CACNG2: variants seen among roughly 807,000 people sequenced by gnomAD.
CACNG2 encodes the protein voltage-dependent calcium channel gamma-2 subunit.
A neutral mutation model predicts 25.9 loss-of-function variants in CACNG2; 3 were observed. The ratio of observed to expected loss-of-function variants is 0.12; its 90% CI spans 0.05 to 0.30. The LOEUF (loss-of-function observed/expected upper bound fraction) is 0.30, where lower values mean the gene tolerates loss of function less well. Among genes scored for constraint, CACNG2 ranks in the 10% least tolerant of loss-of-function variants. The pLI is 1.00. For synonymous variants in CACNG2, 167 were observed against 173.3 expected, an observed-to-expected ratio of 0.96 and a Z score of 0.29; for missense variants, 341 against 432.5, an observed-to-expected ratio of 0.79 and a Z score of 1.88.
chr22:36,654,382 C>A (rs78051341), intron 1 of CACNG2, among the ~76,000 whole-genome samples: 1 of 150,312 alleles, frequency 6.7e-6, no homozygotes, highest in Non-Finnish European at 1.5e-5. Context: ...TAGGCCACCA[C>A]GCCTGGCTAA....
At chr22:36,634,307 A>G (rs765390531) in intron 1 of CACNG2, among the ~76,000 whole-genome samples, 23 of 152,204 alleles carry the variant, frequency 1.5e-4, no homozygotes, top group South Asian at 2.1e-4. Context: ...AAGCCTACCC[A>G]TTACAGCCTC....
chr22:36,662,969 C>G (rs1005676587), intron 1 of CACNG2, among the ~76,000 whole-genome samples: 1 of 151,782 alleles, frequency 6.6e-6, no homozygotes, highest in African/African-American at 2.4e-5. Context: ...CTGCACCACA[C>G]AGGGAATCAA....
At position 36,587,453 on chromosome 22, in the gene CACNG2, G is replaced by A. The variant is rs199887111; in HGVS notation, c.295+12C>T. 167 of 1,592,290 alleles carry A rather than the reference G, an allele frequency of 1.0e-4. No individual in the cohort carries two copies. In the South Asian group the frequency reaches 1.2e-3, roughly 11 times the overall value. ...CACCAGGAGGGAGATAAAAACAATC[G>A]TGTGCACTCACGGAGGAAATATTCT... is the stretch of plus-strand genomic sequence containing the variant. On this transcript the variant is annotated intron_variant, in intron 2 of 3. Transcript: ENST00000300105.
chr22:36,673,118 C>A (rs1054919317), intron 1 of CACNG2, among the ~76,000 whole-genome samples: 1 of 152,172 alleles, frequency 6.6e-6, no homozygotes, highest in African/African-American at 2.4e-5. Context: ...CCCAGCTACT[C>A]AGGAGGCTGA....
chr22:36,631,076 G>A (rs762895395), intron 1 of CACNG2, among the ~76,000 whole-genome samples: 5 of 152,084 alleles, frequency 3.3e-5, no homozygotes, highest in Non-Finnish European at 5.9e-5. Context: ...TGATCCACCC[G>A]CCTCGGCCTC....
At chr22:36,571,437 A>G (rs1049028338) in intron 2 of CACNG2, among the ~76,000 whole-genome samples, 1 of 150,652 alleles carries the variant, frequency 6.6e-6, no homozygotes, top group African/African-American at 2.4e-5. Flanking sequence ...AGCCTGGGTG[A>G]CGGAGCGAGG....
chr22:36,613,129 C>T (rs1935970073), intron 1 of CACNG2, among the ~76,000 whole-genome samples: 1 of 150,330 alleles, frequency 6.7e-6, no homozygotes, highest in African/African-American at 2.5e-5. Flanking sequence ...CTCAATGTTT[C>T]CAAAAGTTCA....
intron 1 of CACNG2, among the ~76,000 whole-genome samples, chr22:36,666,408 A>AAAATAAAT (rs552569400): frequency 2.2e-5 from 3 of 133,680 alleles, no homozygotes; most frequent in Non-Finnish European, 3.3e-5. Flanking sequence ...ACCCAGTCTC[A>AAAATAAAT]AAATAAATAA....
At chr22:36,597,175 A>G (rs1935690875) in intron 1 of CACNG2, among the ~76,000 whole-genome samples, 7 of 152,174 alleles carry the variant, frequency 4.6e-5, no homozygotes. Context: ...GGCATCAGCC[A>G]TCACTCCTGG....
intron 1 of CACNG2, among the ~76,000 whole-genome samples, chr22:36,621,352 A>G (rs1185514603): frequency 6.6e-6 from 1 of 152,212 alleles, no homozygotes; most frequent in Admixed American, 6.5e-5. Context: ...TACTAAAAAT[A>G]CAAAAATTTG....
chr22:36,567,973 C>T (rs1198570888), intron 2 of CACNG2, among the ~76,000 whole-genome samples: 1 of 152,114 alleles, frequency 6.6e-6, no homozygotes, highest in Non-Finnish European at 1.5e-5. Context: ...CCTCAGCCTC[C>T]CAAGTAGCTG....
intron 2 of CACNG2, among the ~76,000 whole-genome samples, chr22:36,568,685 G>A (rs371858190): frequency 9.2e-5 from 14 of 152,262 alleles, no homozygotes; most frequent in Middle Eastern, 3.4e-3. Context: ...GATTACAGGC[G>A]TTAAAAGGGG....
intron 1 of CACNG2, among the ~76,000 whole-genome samples, chr22:36,673,944 C>T (rs1936989180): frequency 6.6e-6 from 1 of 152,106 alleles, no homozygotes; most frequent in Admixed American, 6.5e-5. Context: ...TGAGGGCGGC[C>T]GGGGTGATTT....
intron 1 of CACNG2, among the ~76,000 whole-genome samples, chr22:36,652,410 G>C (rs1009635774): frequency 1.3e-5 from 2 of 152,060 alleles, no homozygotes; most frequent in Non-Finnish European, 2.9e-5. Context: ...ACAGTCTCTC[G>C]GGCCTTCTTC....
intron 1 of CACNG2, among the ~76,000 whole-genome samples, chr22:36,654,723 A>C (rs1184027742): frequency 6.6e-6 from 1 of 152,174 alleles, no homozygotes; most frequent in Non-Finnish European, 1.5e-5. Context: ...TTTAATTCAG[A>C]CTTGCTATGG....
intron 1 of CACNG2, among the ~76,000 whole-genome samples, chr22:36,694,738 C>T (rs1340890858): frequency 2.0e-5 from 3 of 152,200 alleles, no homozygotes; most frequent in East Asian, 3.8e-4. Flanking sequence ...GGCTTAGGAA[C>T]TTGTTCACCA....
chr22:36,638,824 A>G (rs1477381024), intron 1 of CACNG2, among the ~76,000 whole-genome samples: 1 of 152,194 alleles, frequency 6.6e-6, no homozygotes, highest in Non-Finnish European at 1.5e-5. Flanking sequence ...CACTTTTTAT[A>G]TTGAATAAAA....
At chr22:36,618,333 T>C (rs1936053225) in intron 1 of CACNG2, among the ~76,000 whole-genome samples, 1 of 152,224 alleles carries the variant, frequency 6.6e-6, no homozygotes, top group African/African-American at 2.4e-5. Context: ...CATCCCAGGC[T>C]GCAGAGGCTG....
intron 1 of CACNG2, among the ~76,000 whole-genome samples, chr22:36,689,118 G>A (rs951807918): frequency 5.3e-5 from 8 of 151,906 alleles, no homozygotes; most frequent in Middle Eastern, 3.2e-3. Flanking sequence ...CTCTTTTCTC[G>A]CCTTTACTTG....
Sources: allele counts gnomAD v4.1 joint callset (sites outside exome capture counted in the v4.1 genomes callset), GRCh38; gene constraint gnomAD v4.1.1; transcripts MANE v1.5; gene names NCBI Gene and HGNC (gene_info 2026-07-23, HGNC 2026-07-21).